Variants in SLC35F4 observed in about 807,000 individuals in gnomAD.
The protein encoded by SLC35F4 is chromosome 14 open reading frame 36.
Under a neutral mutation model 44.2 loss-of-function variants are expected in SLC35F4, and 24 were observed. That is an observed-to-expected ratio of 0.54 (90% CI 0.39 to 0.76). SLC35F4 has a LOEUF of 0.76. Among genes scored for constraint, SLC35F4 ranks in the 30% least tolerant of loss-of-function variants. SLC35F4 has a pLI of 0.00. For missense variants in SLC35F4, 562 were observed against 586.1 expected, an observed-to-expected ratio of 0.96 and a Z score of 0.42; for synonymous variants, 238 against 223.6, an observed-to-expected ratio of 1.06 and a Z score of -0.57.
intron 1 of SLC35F4, among the ~76,000 whole-genome samples, chr14:57,709,163 C>T (rs1284152238): frequency 6.6e-6 from 1 of 152,022 alleles, no homozygotes; most frequent in Non-Finnish European, 1.5e-5. Context: ...TCTCTAGACT[C>T]CCCCAGGGAA....
intron 1 of SLC35F4, among the ~76,000 whole-genome samples, chr14:57,963,834 C>T (rs569959374): frequency 9.5e-5 from 14 of 146,952 alleles, no homozygotes; most frequent in Non-Finnish European, 1.8e-4. Flanking sequence ...GGGATCTTCA[C>T]ACTTCAGTCT....
chr14:57,694,544 AAC>A (rs1267526633), intron 1 of SLC35F4, among the ~76,000 whole-genome samples: 1 of 152,180 alleles, frequency 6.6e-6, no homozygotes, highest in East Asian at 1.9e-4. Context: ...TGTTAATAGA[AAC>A]AGTTTTTCCA....
intron 1 of SLC35F4, among the ~76,000 whole-genome samples, chr14:57,854,704 C>T (rs975834032): frequency 2.0e-5 from 3 of 152,238 alleles, no homozygotes; most frequent in Non-Finnish European, 4.4e-5. Flanking sequence ...CATTCTGCCA[C>T]TCACTGGCTG....
intron 3 of SLC35F4, among the ~76,000 whole-genome samples, chr14:57,585,854 T>C (rs2069675770): frequency 6.6e-6 from 1 of 152,208 alleles, no homozygotes; most frequent in Non-Finnish European, 1.5e-5. Flanking sequence ...AAATATTCTA[T>C]GCTCATTGAT....
At chr14:57,724,292 G>T (rs2076152356) in intron 1 of SLC35F4, among the ~76,000 whole-genome samples, 2 of 152,166 alleles carry the variant, frequency 1.3e-5, no homozygotes, top group Admixed American at 1.3e-4. Context: ...GGAGCCTTTG[G>T]CAGGCTCCCA....
intron 1 of SLC35F4, among the ~76,000 whole-genome samples, chr14:57,843,454 T>C (rs1299505424): frequency 1.3e-5 from 2 of 152,124 alleles, no homozygotes; most frequent in African/African-American, 4.8e-5. Flanking sequence ...CTAAGAGTGC[T>C]GAGAAGGGAG....
At chr14:57,865,473 C>G (rs905698083) in intron 1 of SLC35F4, among the ~76,000 whole-genome samples, 5 of 152,320 alleles carry the variant, frequency 3.3e-5, no homozygotes, top group African/African-American at 1.2e-4. Context: ...CACCTCCCCC[C>G]AAGGCTACGA....
chr14:57,892,468 C>T (rs1372776671), intron 1 of SLC35F4, among the ~76,000 whole-genome samples: 1 of 152,162 alleles, frequency 6.6e-6, no homozygotes, highest in Non-Finnish European at 1.5e-5. Flanking sequence ...CCCATTAACA[C>T]ATTACAGCAG....
At chr14:57,775,026 T>C (rs1212742215) in intron 1 of SLC35F4, among the ~76,000 whole-genome samples, 1 of 151,832 alleles carries the variant, frequency 6.6e-6, no homozygotes, top group Non-Finnish European at 1.5e-5. Context: ...TCCACCATAG[T>C]GGCCACACTG....
At chr14:57,901,771 C>T (rs535534033) in intron 1 of SLC35F4, among the ~76,000 whole-genome samples, 3 of 152,280 alleles carry the variant, frequency 2.0e-5, no homozygotes, top group South Asian at 2.1e-4. Flanking sequence ...AATGCTTCCA[C>T]GTATGCTATA....
intron 1 of SLC35F4, among the ~76,000 whole-genome samples, chr14:57,654,140 T>C (rs1209558894): frequency 6.6e-6 from 1 of 152,194 alleles, no homozygotes; most frequent in Non-Finnish European, 1.5e-5. Flanking sequence ...ATTTTCATAG[T>C]TCAAGTATTT....
At chr14:57,617,181 A>G (rs1260055737) in intron 1 of SLC35F4, among the ~76,000 whole-genome samples, 7 of 123,848 alleles carry the variant, frequency 5.7e-5, no homozygotes, top group African/African-American at 2.2e-4. Flanking sequence ...CCCAGGCTGG[A>G]GTGCAGCGGT....
intron 1 of SLC35F4, among the ~76,000 whole-genome samples, chr14:57,923,155 C>T (rs1332405768): frequency 6.6e-6 from 1 of 152,016 alleles, no homozygotes; most frequent in African/African-American, 2.4e-5. Flanking sequence ...TTTTTTTTAA[C>T]CTCAAAGTCT....
At chr14:57,900,614 G>A (rs751216938) in intron 1 of SLC35F4, among the ~76,000 whole-genome samples, 4 of 152,120 alleles carry the variant, frequency 2.6e-5, no homozygotes, top group Non-Finnish European at 4.4e-5. Flanking sequence ...GCCTAACAAG[G>A]CACAGGCAAA....
chr14:57,857,560 C>A (rs1459442804), intron 1 of SLC35F4, among the ~76,000 whole-genome samples: 3 of 151,904 alleles, frequency 2.0e-5, no homozygotes, highest in Non-Finnish European at 4.4e-5. Context: ...TTCGTTAGCA[C>A]AATAAACTTT....
chr14:57,748,305 G>C (rs967646799), intron 1 of SLC35F4, among the ~76,000 whole-genome samples: 9 of 152,124 alleles, frequency 5.9e-5, no homozygotes, highest in African/African-American at 2.2e-4. Context: ...GTGTATGTAT[G>C]TGTGTATTTA....
chr14:57,705,606 C>A (rs1287380296), intron 1 of SLC35F4, among the ~76,000 whole-genome samples: 4 of 152,138 alleles, frequency 2.6e-5, no homozygotes, highest in Non-Finnish European at 4.4e-5. Context: ...TGAGTAGCCC[C>A]ACTTCCATGA....
chr14:57,648,521 G>C (rs1396588697), intron 1 of SLC35F4, among the ~76,000 whole-genome samples: 1 of 152,116 alleles, frequency 6.6e-6, no homozygotes, highest in Non-Finnish European at 1.5e-5. Context: ...TAAAATTTCA[G>C]TTTAGATGCC....
At chr14:57,776,139 T>C (rs957664322) in intron 1 of SLC35F4, among the ~76,000 whole-genome samples, 1 of 151,998 alleles carries the variant, frequency 6.6e-6, no homozygotes, top group Non-Finnish European at 1.5e-5. Context: ...CCAAGAAATA[T>C]GGGATTATGT....
Sources: gnomAD v4.1 joint callset for allele counts (sites outside exome capture counted in the v4.1 genomes callset) on GRCh38, gnomAD v4.1.1 for gene constraint, MANE v1.5 for transcripts, NCBI Gene and HGNC (gene_info 2026-07-23, HGNC 2026-07-21) for gene names.